The following ARHGAP39 variants were observed in gnomAD, a reference collection of about 807,000 sequenced individuals.
ARHGAP39 encodes the protein rho GTPase-activating protein 39.
In ARHGAP39, 44 loss-of-function variants were observed where a neutral mutation model predicts 106.9. The ratio of observed to expected loss-of-function variants is 0.41; its 90% confidence interval spans 0.32 to 0.53. The LOEUF (loss-of-function observed/expected upper bound fraction) is 0.53. Among genes scored for constraint, ARHGAP39 ranks in the 20% least tolerant of loss-of-function variants. ARHGAP39 has a pLI of 0.21. For synonymous variants in ARHGAP39, 768 were observed against 693.2 expected, an observed-to-expected ratio of 1.11 and a Z score of -1.69; for missense variants, 1,496 against 1,577.3, an observed-to-expected ratio of 0.95 and a Z score of 0.87.
At chr8:144,630,424 G>C (rs1821031897) in intron 1 of ARHGAP39, among the ~76,000 whole-genome samples, 1 of 152,180 alleles carries the variant, frequency 6.6e-6, no homozygotes, top group South Asian at 2.1e-4. Flanking sequence ...TGGCTAAGAA[G>C]CGCCCCAGCC....
chr8:144,565,750 C>G (rs1450731729), intron 3 of ARHGAP39, among the ~76,000 whole-genome samples: 1 of 152,014 alleles, frequency 6.6e-6, no homozygotes, highest in Admixed American at 6.6e-5. Flanking sequence ...AGGATGACTT[C>G]AAGTGACCTG....
At chr8:144,574,498 A>G (rs899036023) in intron 3 of ARHGAP39, among the ~76,000 whole-genome samples, 14 of 152,202 alleles carry the variant, frequency 9.2e-5, no homozygotes, top group East Asian at 1.9e-4. Context: ...GTGCAACCCC[A>G]TCTCTACTAA....
intron 2 of ARHGAP39, among the ~76,000 whole-genome samples, chr8:144,600,744 C>A (rs374485740): frequency 6.9e-6 from 1 of 145,334 alleles, no homozygotes; most frequent in Non-Finnish European, 1.5e-5. Context: ...TCAAGGCGTG[C>A]GTGCGCACTT....
In ARHGAP39 at chr8:144,548,586, C is replaced by T; in HGVS notation, c.597-97G>A. On this transcript the variant is annotated intron_variant, in intron 4 of 11. Transcript: ENST00000377307. This position sits in a 1 kb window ranked among gnomAD's most constrained non-coding sequence, Gnocchi z 7.4. ...GCTGTAGGCAGCGGCTCCCGCGAAC[C>T]CTCTGTTGTACACCTTCCTCGCTGG... 1.4e-6 allele frequency: 2 copies of T among 1,459,142 alleles called. No individual in the cohort carries two copies. Among genetic ancestry groups the T allele is most frequent in the Non-Finnish European group, 1.8e-6 (2 of 1,098,610 alleles). 90.4% of individuals were successfully genotyped at this position (1,459,142 alleles called of 1,614,324 possible). A position where few individuals can be genotyped will look rare whatever the true frequency, so the allele number is the denominator to read the frequency against.
chr8:144,587,801 C>A (rs903798417), intron 2 of ARHGAP39, among the ~76,000 whole-genome samples: 1 of 152,110 alleles, frequency 6.6e-6, no homozygotes, highest in African/African-American at 2.4e-5. Flanking sequence ...ATTACAGGCA[C>A]GTGCCACCAC....
At chr8:144,606,126 C>T (rs968316627) in intron 1 of ARHGAP39, among the ~76,000 whole-genome samples, 5 of 152,222 alleles carry the variant, frequency 3.3e-5, no homozygotes, top group South Asian at 2.1e-4. Context: ...TCCACACAGG[C>T]GACACTCGCC....
chr8:144,547,430 G>C lies in ARHGAP39; in HGVS notation c.1656C>G (p.Pro552=). ...EAEGARGAAE[P]FLAQARLAWE... ...AGGCCAGCCGAGCCTGCGCCAGGAA[G>C]GGCTCGGCCGCGCCCCGCGCCCCTT... Residue 552 remains proline, a synonymous_variant, in exon 5 of 12, where the codon CCC becomes CCG. Coordinates refer to ENST00000377307, the MANE Select transcript of ARHGAP39 (RefSeq NM_025251.3). The surrounding 1 kb of genome is among the most constrained non-coding windows in gnomAD (Gnocchi z 5.2). The C allele has an allele frequency of 3.8e-6, 6 of 1,585,582 alleles. No individual in the cohort carries two copies. Among genetic ancestry groups the C allele is most frequent in the Non-Finnish European group, 5.1e-6 (6 of 1,172,824 alleles).
At chr8:144,545,121 AGGTGTGTGTC>A in intron 6 of ARHGAP39, 118 bp downstream of exon 6, 1 of 841,436 alleles carries the variant, frequency 1.2e-6, no homozygotes, top group African/African-American at 1.7e-5. Context: ...GCGTTTTGGG[AGGTGTGTGTC>A]GAACCATGGC....
At chr8:144,610,608 A>T (rs924782626) in intron 1 of ARHGAP39, among the ~76,000 whole-genome samples, 1 of 151,942 alleles carries the variant, frequency 6.6e-6, no homozygotes, top group African/African-American at 2.4e-5. Context: ...GCAACTCGAA[A>T]GGCTGAGGCA....
Position 144,545,561 on chromosome 8 carries a change from G to C in ARHGAP39, c.2209C>G (p.Arg737Gly). 6.2e-7 allele frequency: 1 copy of C among 1,613,738 alleles called. No homozygotes were observed. The highest frequency in any genetic ancestry group is 8.5e-7 in the Non-Finnish European group (1 of 1,180,014). Residue 737 changes from arginine to glycine, a missense_variant, in exon 6 of 12, where the codon CGG becomes GGG. Around this residue, in one of 4 missense-constraint regions of ARHGAP39, gnomAD observed 470 missense variants for 605.1 expected, o/e 0.78. Transcript: ENST00000377307. ...TCGCAGGCCTCCTTCTTCACGTGCC[G>C]GTCGCTTGTCACGATCATGGGCTTC... ...IKKPMIVTSDRHVKKEACELF... is the reference protein window; with the variant it reads ...IKKPMIVTSDGHVKKEACELF...
Position 144,658,218 on chromosome 8 carries a change from T to G in ARHGAP39, c.-82+27468A>C, listed in dbSNP as rs894012426. On this transcript the variant is annotated intron_variant, in intron 1 of 11. Coordinates refer to ENST00000377307, the MANE Select transcript of ARHGAP39 (RefSeq NM_025251.3). ...TCCGCCTCCCAGGTTCAGGTGATTCTCCTGCCTCAGCCTCCCAAGTAGCTG... is the reference window on the plus strand; with the variant it reads ...TCCGCCTCCCAGGTTCAGGTGATTCGCCTGCCTCAGCCTCCCAAGTAGCTG... Among the ~76,000 whole-genome samples, 5 of 152,064 alleles carry G rather than the reference T, an allele frequency of 3.3e-5. No individual in the cohort carries two copies. The East Asian group carries it at 9.6e-4, about 29-fold the overall frequency.
rs565523499 is a variant in ARHGAP39 at position 144,537,540 on chromosome 8, C to T, written c.2614+181G>A. On this transcript the variant is annotated intron_variant, in intron 7 of 11. Coordinates refer to ENST00000377307, the MANE Select transcript of ARHGAP39 (RefSeq NM_025251.3). ...AAAGACACGTGTGGACAGGCTTGACCGCTCCAGGGGTCCAGTCAGTCACCT... is the reference window on the plus strand; with the variant it reads ...AAAGACACGTGTGGACAGGCTTGACTGCTCCAGGGGTCCAGTCAGTCACCT... Among the ~76,000 whole-genome samples, 6 of 152,290 alleles carry T rather than the reference C, an allele frequency of 3.9e-5. 1 individual carries two copies. The South Asian group carries it at 1.0e-3, about 26-fold the overall frequency.
At chr8:144,568,238 G>A (rs1296974422) in intron 3 of ARHGAP39, among the ~76,000 whole-genome samples, 1 of 144,808 alleles carries the variant, frequency 6.9e-6, no homozygotes, top group African/African-American at 2.5e-5. Context: ...GGAGGCTAAG[G>A]CAGGAGAATC....
chr8:144,574,477 T>A (rs528171184), intron 3 of ARHGAP39, among the ~76,000 whole-genome samples: 326 of 152,240 alleles, frequency 2.1e-3, no homozygotes, highest in African/African-American at 7.5e-3. Flanking sequence ...GAGACCATCC[T>A]GGCTAACACG....
intron 1 of ARHGAP39, among the ~76,000 whole-genome samples, chr8:144,681,935 A>G (rs540056555): frequency 2.6e-4 from 40 of 152,306 alleles, no homozygotes; most frequent in African/African-American, 9.1e-4. Flanking sequence ...CTCCTTGAGA[A>G]ATATGGGGAA....
chr8:144,630,662 A>T (rs959254856), intron 1 of ARHGAP39, among the ~76,000 whole-genome samples: 1 of 152,214 alleles, frequency 6.6e-6, no homozygotes. Context: ...ACCCCATGTG[A>T]CAGTGTTAAG....
intron 2 of ARHGAP39, among the ~76,000 whole-genome samples, chr8:144,602,126 GGTGTGTGTGCGAGCTCATGTACCT>G (rs1233754546): frequency 7.1e-6 from 1 of 140,178 alleles, no homozygotes; most frequent in Non-Finnish European, 1.5e-5. Flanking sequence ...TGTGCATGGA[GGTGTGTGTGCGAGCTCATGTACCT>G]GTGTGTGTGT....
upstream of ARHGAP39, among the ~76,000 whole-genome samples, chr8:144,686,080 A>G (rs957648702): frequency 8.6e-5 from 13 of 151,374 alleles, no homozygotes; most frequent in African/African-American, 3.2e-4. Flanking sequence ...CTACCCTGTG[A>G]GTTAGCGGTG....
intron 6 of ARHGAP39, among the ~76,000 whole-genome samples, chr8:144,541,014 A>G (rs1224191335): frequency 6.6e-6 from 1 of 152,010 alleles, no homozygotes; most frequent in Non-Finnish European, 1.5e-5. Flanking sequence ...ACCATGCCTG[A>G]CTAATTTTTG....
Sources: gnomAD v4.1 joint callset for allele counts (sites outside exome capture counted in the v4.1 genomes callset) on GRCh38, gnomAD v4.1.1 for gene constraint, gnomAD v4.1.1 regional missense constraint, Gnocchi (gnomAD v3.1) non-coding constraint, MANE v1.5 for transcripts, NCBI Gene and HGNC (gene_info 2026-07-23, HGNC 2026-07-21) for gene names.